Variants in MRPL14 observed in about 807,000 individuals in gnomAD.
MRPL14 encodes the protein mitochondrial ribosomal protein L14.
A neutral mutation model predicts 10.9 loss-of-function variants in MRPL14; 8 were observed. The ratio of observed to expected loss-of-function variants is 0.74; its 90% CI spans 0.43 to 1.33. MRPL14 has a LOEUF of 1.33. Ranked by LOEUF, MRPL14 falls within the 40% of genes most tolerant of loss-of-function variation. MRPL14 has a pLI of 0.01. For synonymous variants in MRPL14, 82 were observed against 74.1 expected (o/e 1.11, Z -0.54); for missense variants, 179 against 194.5 (o/e 0.92, Z 0.47).
intron 1 of MRPL14, chr6:44,126,941 T>C (rs895024289): frequency 6.6e-6 from 1 of 152,144 alleles, no homozygotes; most frequent in African/African-American, 2.4e-5. Context: ...CTAACTCATC[T>C]CCAGACCTAA....
chr6:44,117,840 G>GTTTTTTTT (rs56204643), intron 1 of MRPL14, among the ~76,000 whole-genome samples: 5 of 75,364 alleles, frequency 6.6e-5, no homozygotes, highest in Non-Finnish European at 9.8e-5. Context: ...AATTTTTTGT[G>GTTTTTTTT]TTTTTTTTTT....
In MRPL14 at chr6:44,125,657, A is replaced by G. The variant is rs1361107087; in HGVS notation, c.-19+1687T>C. On this transcript the variant is annotated intron_variant, in intron 1 of 2. Transcript: ENST00000372014. ...GCCTGGGCAAGAGAGACTGTCTCAA[A>G]AAAAAAAAAAAAAAAAAAAAAAAAG... Among the ~76,000 whole-genome samples the G allele has an allele frequency of 1.1e-4, 5 of 45,318 alleles. No individual in the cohort carries two copies. The East Asian group carries it at 3.7e-3, about 34-fold the overall frequency. The allele number at this position is 45,318 out of a possible 152,430, so 29.7% of individuals were successfully genotyped here.
chr6:44,120,960 AC>A (rs1401757278), intron 1 of MRPL14, among the ~76,000 whole-genome samples: 1 of 152,156 alleles, frequency 6.6e-6, no homozygotes, highest in Non-Finnish European at 1.5e-5. Flanking sequence ...TGGTGCCTAC[AC>A]TGCCTACTAT....
chr6:44,117,901 G>T lies in MRPL14; in HGVS notation c.-18-1272C>A, dbSNP rs986482509. Among the ~76,000 whole-genome samples the T allele has an allele frequency of 3.1e-5, 4 of 128,374 alleles. No homozygotes were observed. The East Asian group carries it at 9.5e-4, about 31-fold the overall frequency. The allele number at this position is 128,374 out of a possible 152,430, so 84.2% of individuals were successfully genotyped here. ...ATGGTCTCACTATGTTGCCCAGGCTGGCCTTGAACTCCTGAGTTCATGCAA... is the reference window on the plus strand; with the variant it reads ...ATGGTCTCACTATGTTGCCCAGGCTTGCCTTGAACTCCTGAGTTCATGCAA... On this transcript the variant is annotated intron_variant, in intron 1 of 2. Transcript: ENST00000372014.
At chr6:44,122,779 G>T (rs542699981) in intron 1 of MRPL14, among the ~76,000 whole-genome samples, 60 of 152,278 alleles carry the variant, frequency 3.9e-4, no homozygotes, top group Admixed American at 8.5e-4. Context: ...CCAGCGTGAG[G>T]ATATAAATGT....
chr6:44,126,633 G>A (rs1777087894), intron 1 of MRPL14, among the ~76,000 whole-genome samples: 1 of 150,996 alleles, frequency 6.6e-6, no homozygotes, highest in South Asian at 2.1e-4. Flanking sequence ...CGTCTCTTAC[G>A]GTGGCAAAGT....
chr6:44,122,994 A>T (rs1776601212), intron 1 of MRPL14, among the ~76,000 whole-genome samples: 1 of 152,216 alleles, frequency 6.6e-6, no homozygotes, highest in Admixed American at 6.5e-5. Flanking sequence ...ATTTCCTTTT[A>T]GGAAGTTTGG....
At chr6:44,126,441 G>C (rs1273266154) in intron 1 of MRPL14, among the ~76,000 whole-genome samples, 2 of 152,180 alleles carry the variant, frequency 1.3e-5, no homozygotes, top group Admixed American at 6.5e-5. Flanking sequence ...ATACAGCAGA[G>C]ACGCTGACCA....
At chr6:44,121,462 G>A (rs1031777730) in intron 1 of MRPL14, among the ~76,000 whole-genome samples, 2 of 152,176 alleles carry the variant, frequency 1.3e-5, no homozygotes, top group Admixed American at 1.3e-4. Flanking sequence ...TTCAGTTGTA[G>A]AGGCAAGGGA....
chr6:44,124,574 G>C (rs926598208), intron 1 of MRPL14, among the ~76,000 whole-genome samples: 17 of 152,210 alleles, frequency 1.1e-4, no homozygotes, highest in African/African-American at 3.9e-4. Context: ...GTTTAGAGTG[G>C]ACATGGTAAA....
chr6:44,116,950 T>C (rs1340574348), intron 1 of MRPL14, among the ~76,000 whole-genome samples: 1 of 152,198 alleles, frequency 6.6e-6, no homozygotes, highest in Non-Finnish European at 1.5e-5. Flanking sequence ...CCCTTGGTTA[T>C]AAACCCAGCC....
intron 1 of MRPL14, among the ~76,000 whole-genome samples, chr6:44,119,159 G>A (rs765126175): frequency 2.9e-4 from 44 of 152,234 alleles, no homozygotes; most frequent in Middle Eastern, 3.4e-3. Context: ...TTACTCAACA[G>A]AGTAAACATG....
At chr6:44,124,201 G>C (rs1776715602) in intron 1 of MRPL14, among the ~76,000 whole-genome samples, 1 of 152,106 alleles carries the variant, frequency 6.6e-6, no homozygotes, top group Non-Finnish European at 1.5e-5. Context: ...GTGTGAAAAA[G>C]TTAAAGAATG....
chr6:44,116,310 T>G (rs935813373), intron 2 of MRPL14, among the ~76,000 whole-genome samples: 1 of 152,204 alleles, frequency 6.6e-6, no homozygotes, highest in African/African-American at 2.4e-5. Context: ...GAGTAAAAGC[T>G]TCCGCCATAT....
rs577771961 is a variant in MRPL14, at chr6:44,120,764, G to A, written c.-18-4135C>T. 7.2e-4 allele frequency among the ~76,000 whole-genome samples: 110 copies of A among 152,276 alleles called. 2 individuals carry two copies. The highest frequency in any genetic ancestry group is 2.5e-3 in the African/African-American group (103 of 41,560). On this transcript the variant is annotated intron_variant, in intron 1 of 2. Transcript: ENST00000372014. ...ATACTTGTTGAATAAAATAAATGAG[G>A]TAGCCAGGAGAAAGACAGGTCCCCC...
In MRPL14 at chr6:44,123,423, A is replaced by G. The variant is rs80235289; in HGVS notation, c.-19+3921T>C. Among the ~76,000 whole-genome samples, 525 of 152,328 alleles carry G rather than the reference A, an allele frequency of 3.4e-3. 3 individuals are homozygous for G. The highest frequency in any genetic ancestry group is 0.026 in the East Asian group (133 of 5,192). ...TCTCCTTTGGCAAGGCTGCAACATA[A>G]TCTTCAAAAAACTCAGGAAACAAAA... On this transcript the variant is annotated intron_variant, in intron 1 of 2. Coordinates refer to ENST00000372014, the MANE Select transcript of MRPL14 (RefSeq NM_032111.4).
intron 1 of MRPL14, among the ~76,000 whole-genome samples, chr6:44,117,748 C>T (rs918273448): frequency 3.3e-5 from 5 of 151,848 alleles, no homozygotes; most frequent in South Asian, 2.1e-4. Context: ...ACTGCAGTCC[C>T]GAACTCCCCA....
At chr6:44,126,237 C>T (rs907940637) in intron 1 of MRPL14, among the ~76,000 whole-genome samples, 14 of 152,222 alleles carry the variant, frequency 9.2e-5, no homozygotes, top group African/African-American at 3.4e-4. Flanking sequence ...TACACTCACA[C>T]GTGTGTGTAC....
At chr6:44,127,300 G>C (rs997745856) in intron 1 of MRPL14, 44 bp downstream of exon 1, 8 of 151,242 alleles carry the variant, frequency 5.3e-5, no homozygotes, top group Non-Finnish European at 1.2e-4. Flanking sequence ...AAGAGGAGAA[G>C]GAGGGAATGA....
Sources: allele counts gnomAD v4.1 joint callset (sites outside exome capture counted in the v4.1 genomes callset), GRCh38; gene constraint gnomAD v4.1.1; transcripts MANE v1.5; gene names NCBI Gene and HGNC (gene_info 2026-07-23, HGNC 2026-07-21).